Variants in SLC24A3 observed in about 807,000 individuals in gnomAD.
The protein encoded by SLC24A3 is solute carrier family 24 member 3, also known as sodium/potassium/calcium exchanger 3.
In SLC24A3, 28 loss-of-function variants were observed where a neutral mutation model predicts 75.8. The observed-to-expected ratio is 0.37, with a 90% CI of 0.27 to 0.51. The LOEUF is 0.51. Ranked by LOEUF, SLC24A3 falls within the 20% of genes least tolerant of loss-of-function variation. The pLI is 0.94. For missense variants in SLC24A3, 663 were observed against 847.8 expected, an observed-to-expected ratio of 0.78 and a Z score of 2.71; for synonymous variants, 372 against 334.1, an observed-to-expected ratio of 1.11 and a Z score of -1.24.
chr20:19,358,755 C>G (rs1435054472), intron 2 of SLC24A3, among the ~76,000 whole-genome samples: 2 of 152,174 alleles, frequency 1.3e-5, no homozygotes, highest in South Asian at 4.1e-4. Flanking sequence ...ATTCTGTATC[C>G]GTTAGCAGTC....
chr20:19,328,165 C>G (rs1984914288), intron 2 of SLC24A3, among the ~76,000 whole-genome samples: 1 of 151,940 alleles, frequency 6.6e-6, no homozygotes, highest in African/African-American at 2.4e-5. Context: ...TGGAAGCACG[C>G]TTGGTGTGTC....
chr20:19,531,667 A>G (rs1413904008), intron 3 of SLC24A3, among the ~76,000 whole-genome samples: 2 of 152,224 alleles, frequency 1.3e-5, no homozygotes, highest in Admixed American at 6.5e-5. Context: ...ACAAAGAAGT[A>G]TTACGAAGAG....
intron 2 of SLC24A3, among the ~76,000 whole-genome samples, chr20:19,459,926 G>T (rs547981097): frequency 1.3e-5 from 2 of 152,174 alleles, no homozygotes; most frequent in African/African-American, 4.8e-5. Flanking sequence ...TCTCCTGGAG[G>T]TCTTGTCACT....
intron 2 of SLC24A3, among the ~76,000 whole-genome samples, chr20:19,290,504 C>T (rs766154818): frequency 2.6e-5 from 4 of 152,184 alleles, no homozygotes; most frequent in Non-Finnish European, 4.4e-5. Flanking sequence ...TCACCCCTTC[C>T]ACCTTGTGAG....
chr20:19,623,742 A>G (rs753686002), intron 6 of SLC24A3, among the ~76,000 whole-genome samples: 1 of 152,194 alleles, frequency 6.6e-6, no homozygotes, highest in Non-Finnish European at 1.5e-5. Context: ...AACTAATCAC[A>G]TACATTGTCT....
rs181252645 is a variant in SLC24A3 at position 19,672,132 on chromosome 20, G to C, written c.714-1469G>C. ...CTTGACAGGTGATTCAGGAGATCGGGGGGTGTGGAAGTTAGGCTAGAGAAA... is the reference window on the plus strand; with the variant it reads ...CTTGACAGGTGATTCAGGAGATCGGCGGGTGTGGAAGTTAGGCTAGAGAAA... On this transcript the variant is annotated intron_variant, in intron 8 of 16. Transcript: ENST00000328041. Among the ~76,000 whole-genome samples, 163 of 152,228 alleles carry C rather than the reference G, an allele frequency of 1.1e-3. 1 individual carries two copies. The highest frequency in any genetic ancestry group is 1.8e-3 in the Non-Finnish European group (121 of 68,022).
At chr20:19,662,935 A>C (rs1033148803) in intron 7 of SLC24A3, among the ~76,000 whole-genome samples, 44 of 152,342 alleles carry the variant, frequency 2.9e-4, no homozygotes, top group African/African-American at 1.1e-3. Flanking sequence ...TTCTGCAAAC[A>C]GCGCCAGTCC....
chr20:19,471,775 T>C (rs1293064189), intron 2 of SLC24A3, among the ~76,000 whole-genome samples: 1 of 152,192 alleles, frequency 6.6e-6, no homozygotes, highest in Non-Finnish European at 1.5e-5. Flanking sequence ...CCTGCAGCAC[T>C]GTCTATAATT....
At chr20:19,232,102 C>T (rs1257941125) in intron 1 of SLC24A3, among the ~76,000 whole-genome samples, 2 of 151,950 alleles carry the variant, frequency 1.3e-5, no homozygotes, top group African/African-American at 2.4e-5. Flanking sequence ...TGGTGGAATA[C>T]TGTAGATTAT....
chr20:19,526,981 T>G (rs1242843307), intron 3 of SLC24A3, among the ~76,000 whole-genome samples: 1 of 152,120 alleles, frequency 6.6e-6, no homozygotes, highest in African/African-American at 2.4e-5. Flanking sequence ...ATGTTTGCAG[T>G]CTTGCTTTTC....
chr20:19,232,332 AAG>A (rs1490292652), intron 1 of SLC24A3, among the ~76,000 whole-genome samples: 4 of 152,234 alleles, frequency 2.6e-5, no homozygotes, highest in South Asian at 2.1e-4. Context: ...TGAATAAAAT[AAG>A]AGAGATGGTT....
chr20:19,377,175 A>T (rs1986098373), intron 2 of SLC24A3, among the ~76,000 whole-genome samples: 1 of 152,034 alleles, frequency 6.6e-6, no homozygotes, highest in African/African-American at 2.4e-5. Flanking sequence ...TGTGTGGGGG[A>T]TTAACTTTGA....
At chr20:19,491,184 C>T (rs1251842959) in intron 2 of SLC24A3, among the ~76,000 whole-genome samples, 3 of 152,094 alleles carry the variant, frequency 2.0e-5, no homozygotes, top group Non-Finnish European at 4.4e-5. Flanking sequence ...ACCTTCTTTC[C>T]CCAGGTCCCT....
intron 2 of SLC24A3, among the ~76,000 whole-genome samples, chr20:19,510,117 G>T (rs1988515231): frequency 6.6e-6 from 1 of 152,226 alleles, no homozygotes; most frequent in Admixed American, 6.5e-5. Flanking sequence ...AAACGAAGCT[G>T]CTGCCCCAGT....
intron 2 of SLC24A3, among the ~76,000 whole-genome samples, chr20:19,461,088 C>T (rs968298383): frequency 6.6e-6 from 1 of 152,186 alleles, no homozygotes; most frequent in Non-Finnish European, 1.5e-5. Flanking sequence ...GTGAGGCTGA[C>T]GGACTTCCAT....
intron 2 of SLC24A3, among the ~76,000 whole-genome samples, chr20:19,287,291 A>G (rs954917747): frequency 6.6e-6 from 1 of 152,144 alleles, no homozygotes; most frequent in African/African-American, 2.4e-5. Context: ...AGCATGGAGG[A>G]TTTGGGGTAG....
intron 2 of SLC24A3, among the ~76,000 whole-genome samples, chr20:19,422,101 G>A (rs555503298): frequency 1.3e-5 from 2 of 152,092 alleles, no homozygotes; most frequent in South Asian, 2.1e-4. Flanking sequence ...AGTTCTGGTC[G>A]ATCCTACTGA....
chr20:19,678,524 A>G (rs1600335690), intron 9 of SLC24A3, among the ~76,000 whole-genome samples: 1 of 105,146 alleles, frequency 9.5e-6, no homozygotes, highest in African/African-American at 3.9e-5. Flanking sequence ...TGACCCCCCA[A>G]CCTCCCTCCC....
At chr20:19,693,554 C>G in intron 13 of SLC24A3, 129 bp downstream of exon 13, 1 of 1,195,000 alleles carries the variant, frequency 8.4e-7, no homozygotes, top group Non-Finnish European at 1.1e-6. Context: ...CAACGAACCA[C>G]TCCTAAACTT....
Sources: gnomAD v4.1 joint callset for allele counts (sites outside exome capture counted in the v4.1 genomes callset) on GRCh38, gnomAD v4.1.1 for gene constraint, MANE v1.5 for transcripts, NCBI Gene and HGNC (gene_info 2026-07-23, HGNC 2026-07-21) for gene names.